SORCS3: variants seen among roughly 807,000 people sequenced by gnomAD.
SORCS3 encodes the protein VPS10 domain-containing receptor SorCS3.
Under a neutral mutation model 146.3 loss-of-function variants are expected in SORCS3, and 57 were observed. The ratio of observed to expected loss-of-function variants is 0.39; its 90% CI spans 0.31 to 0.49. The LOEUF is 0.49. SORCS3 is among the 20% of genes least tolerant of loss of function. SORCS3 has a pLI of 0.92. For missense variants in SORCS3, 1,341 were observed against 1,575.5 expected (o/e 0.85, Z 2.52); for synonymous variants, 653 against 618.5 (o/e 1.06, Z -0.83).
chr10:104,871,939 T>C (rs2018522864), intron 2 of SORCS3, among the ~76,000 whole-genome samples: 1 of 152,100 alleles, frequency 6.6e-6, no homozygotes, highest in Non-Finnish European at 1.5e-5. Context: ...TCTTAACTGA[T>C]TGGAACACAT....
intron 13 of SORCS3, among the ~76,000 whole-genome samples, chr10:105,168,317 A>G (rs2056331710): frequency 6.6e-6 from 1 of 152,190 alleles, no homozygotes; most frequent in Admixed American, 6.5e-5. Flanking sequence ...GAGTTGAATG[A>G]GAATAGATGA....
intron 8 of SORCS3, among the ~76,000 whole-genome samples, chr10:105,145,630 T>C (rs1354629097): frequency 2.6e-5 from 4 of 152,128 alleles, no homozygotes; most frequent in African/African-American, 7.2e-5. Context: ...TTTCCCCTCC[T>C]ACTGGGTTCT....
At chr10:104,841,733 C>T (rs1163268759) in intron 1 of SORCS3, among the ~76,000 whole-genome samples, 1 of 151,802 alleles carries the variant, frequency 6.6e-6, no homozygotes, top group Non-Finnish European at 1.5e-5. Context: ...AATTCATTAT[C>T]TCGGAAAGAA....
At chr10:104,799,254 T>C (rs1181265675) in intron 1 of SORCS3, among the ~76,000 whole-genome samples, 1 of 152,220 alleles carries the variant, frequency 6.6e-6, no homozygotes, top group East Asian at 1.9e-4. Flanking sequence ...CGTATGTTTA[T>C]TGCGGCACTA....
intron 2 of SORCS3, among the ~76,000 whole-genome samples, chr10:104,846,759 A>G (rs758599622): frequency 6.6e-6 from 1 of 152,184 alleles, no homozygotes; most frequent in Non-Finnish European, 1.5e-5. Context: ...GTTTAGCACA[A>G]CCATCTGTTG....
chr10:104,687,849 G>GGGGGGGA (rs2016063680), intron 1 of SORCS3, among the ~76,000 whole-genome samples: 1 of 152,076 alleles, frequency 6.6e-6, no homozygotes, highest in Non-Finnish European at 1.5e-5. Context: ...GTAAAGGGGG[G>GGGGGGGA]ACAATAATAG....
At chr10:104,911,102 C>A (rs776433797) in intron 2 of SORCS3, among the ~76,000 whole-genome samples, 1 of 152,248 alleles carries the variant, frequency 6.6e-6, no homozygotes, top group East Asian at 1.9e-4. Context: ...CTTGTAAGAG[C>A]AAGTTCTGCC....
chr10:104,833,830 G>A lies in SORCS3; in HGVS notation c.628-8962G>A, dbSNP rs1245058649. 3.9e-5 allele frequency among the ~76,000 whole-genome samples: 6 copies of A among 152,158 alleles called. No homozygotes were observed. The East Asian group carries it at 1.2e-3, about 29-fold the overall frequency. Reference sequence around the variant, plus strand: ...TCTGAACCCCAGACTCATTTATCCAGCTCAGTGTTTGACTTCTCCATTTGA... The same window carrying A: ...TCTGAACCCCAGACTCATTTATCCAACTCAGTGTTTGACTTCTCCATTTGA... On this transcript the variant is annotated intron_variant, in intron 1 of 26. Coordinates refer to ENST00000369701, the MANE Select transcript of SORCS3 (RefSeq NM_014978.3).
intron 3 of SORCS3, among the ~76,000 whole-genome samples, chr10:104,922,912 A>G (rs540435516): frequency 2.2e-4 from 34 of 152,350 alleles, no homozygotes; most frequent in African/African-American, 7.5e-4. Context: ...AACTAAGTCA[A>G]GTGTGGCTTA....
intron 1 of SORCS3, among the ~76,000 whole-genome samples, chr10:104,782,141 C>T (rs80299640): frequency 0.013 from 1,984 of 152,288 alleles, 30 homozygotes; most frequent in African/African-American, 0.038. Flanking sequence ...TTTGTATTAC[C>T]GGTTCTAAGG....
intron 3 of SORCS3, among the ~76,000 whole-genome samples, chr10:104,968,965 G>T (rs2054842697): frequency 1.3e-5 from 2 of 152,196 alleles, no homozygotes; most frequent in African/African-American, 4.8e-5. Flanking sequence ...TGCTTCACTT[G>T]CTCACTTTAC....
chr10:105,031,326 CACACAA>C (rs1319193364), intron 4 of SORCS3, among the ~76,000 whole-genome samples: 4,239 of 83,816 alleles, frequency 0.051, 103 homozygotes, highest in East Asian at 0.16. Flanking sequence ...AACACACACA[CACACAA>C]ACACACACAC....
At chr10:105,136,203 C>T (rs1225808348) in intron 7 of SORCS3, among the ~76,000 whole-genome samples, 1 of 152,138 alleles carries the variant, frequency 6.6e-6, no homozygotes, top group Non-Finnish European at 1.5e-5. Context: ...CTGGGAAGTC[C>T]ATGACAAAGA....
intron 6 of SORCS3, among the ~76,000 whole-genome samples, chr10:105,092,882 A>G (rs2055720037): frequency 6.6e-6 from 1 of 152,188 alleles, no homozygotes; most frequent in Non-Finnish European, 1.5e-5. Context: ...ATGATGAGAT[A>G]CTGAATGCTT....
chr10:105,223,002 C>A, intron 19 of SORCS3, 114 bp from the exon 20 acceptor site: 2 of 1,141,274 alleles, frequency 1.8e-6, no homozygotes, highest in Non-Finnish European at 1.2e-6. Context: ...GTTTTGTGAC[C>A]CTTCCTTTTT....
rs568768540 is a variant in SORCS3, at chr10:105,201,286, A to G, written c.2261+33A>G. ...GTTTGGCATTTCATTACCAATTCCA[A>G]CCAGGTCTTCACCTGTCTGTGGGGT... is the stretch of plus-strand genomic sequence containing the variant. On this transcript the variant is annotated intron_variant, in intron 16 of 26. Transcript: ENST00000369701. 3.5e-5 allele frequency: 56 copies of G among 1,592,428 alleles called. No homozygotes were observed. In the Middle Eastern group the frequency reaches 8.4e-4, roughly 24 times the overall value.
At chr10:104,647,332 G>C (rs1450481381) in intron 1 of SORCS3, among the ~76,000 whole-genome samples, 2 of 152,180 alleles carry the variant, frequency 1.3e-5, no homozygotes, top group Non-Finnish European at 2.9e-5. Flanking sequence ...CTTTCTTGAT[G>C]AAAGGGCACC....
chr10:104,977,324 C>T lies in SORCS3; in HGVS notation c.796-11C>T. The T allele has an allele frequency of 6.2e-7, 1 of 1,604,848 alleles. No homozygotes were observed. The highest frequency in any genetic ancestry group is 8.5e-7 in the Non-Finnish European group (1 of 1,175,792). On this transcript the variant is annotated splice_polypyrimidine_tract_variant and intron_variant, in intron 3 of 26. Coordinates refer to ENST00000369701, the MANE Select transcript of SORCS3 (RefSeq NM_014978.3). ...ACTCTGTCTGTATATGTCCCTCTAT[C>T]CTTTCTTTAGATTATGCTTCTCAGT...
At chr10:104,746,510 G>A (rs192365509) in intron 1 of SORCS3, among the ~76,000 whole-genome samples, 75 of 152,266 alleles carry the variant, frequency 4.9e-4, no homozygotes, top group Admixed American at 2.4e-3. Context: ...ACCATTTTTT[G>A]TGGTAAAAGC....
Sources: gnomAD v4.1 joint callset for allele counts (sites outside exome capture counted in the v4.1 genomes callset) on GRCh38, gnomAD v4.1.1 for gene constraint, MANE v1.5 for transcripts, NCBI Gene and HGNC (gene_info 2026-07-23, HGNC 2026-07-21) for gene names.